Variants in MDGA2 observed in about 807,000 individuals in gnomAD.
MDGA2 encodes MAM domain-containing glycosylphosphatidylinositol anchor protein 2.
Under a neutral mutation model 117.8 loss-of-function variants are expected in MDGA2, and 40 were observed. The observed-to-expected ratio is 0.34, with a 90% confidence interval of 0.26 to 0.44. The LOEUF (loss-of-function observed/expected upper bound fraction) is 0.44. Ranked by LOEUF, MDGA2 falls within the 20% of genes least tolerant of loss-of-function variation. MDGA2 has a pLI of 1.00. For synonymous variants in MDGA2, 452 were observed against 439.0 expected (o/e 1.03, Z -0.37); for missense variants, 1,123 against 1,250.6 (o/e 0.90, Z 1.54).
intron 8 of MDGA2, among the ~76,000 whole-genome samples, chr14:46,999,905 G>A (rs1594512255): frequency 6.6e-6 from 1 of 152,070 alleles, no homozygotes; most frequent in East Asian, 1.9e-4. Flanking sequence ...CTAAGGGGTT[G>A]GCTTTCACAA....
chr14:47,362,876 C>T (rs1188498449), intron 1 of MDGA2, among the ~76,000 whole-genome samples: 2 of 152,180 alleles, frequency 1.3e-5, no homozygotes, highest in African/African-American at 4.8e-5. Flanking sequence ...TGAACACTGT[C>T]AGTAAAATCT....
chr14:46,986,453 G>C (rs1256400065), intron 8 of MDGA2, among the ~76,000 whole-genome samples: 1 of 151,996 alleles, frequency 6.6e-6, no homozygotes, highest in Non-Finnish European at 1.5e-5. Context: ...ATTGAAGGCT[G>C]ACAACCTGGG....
At chr14:47,509,463 C>A (rs1462020193) in intron 1 of MDGA2, among the ~76,000 whole-genome samples, 1 of 152,094 alleles carries the variant, frequency 6.6e-6, no homozygotes. Context: ...AGGAGCTGTG[C>A]CCAGCAGAGC....
At chr14:47,613,855 A>G (rs1260554552) in intron 1 of MDGA2, among the ~76,000 whole-genome samples, 1 of 152,062 alleles carries the variant, frequency 6.6e-6, no homozygotes, top group African/African-American at 2.4e-5. Context: ...ACTATTTTAA[A>G]TTTCTTTCAT....
intron 5 of MDGA2, among the ~76,000 whole-genome samples, chr14:47,101,394 G>A (rs955301836): frequency 9.2e-5 from 14 of 152,112 alleles, no homozygotes; most frequent in Non-Finnish European, 1.8e-4. Flanking sequence ...TTCTTGGACT[G>A]AGCAACAGAC....
intron 3 of MDGA2, among the ~76,000 whole-genome samples, chr14:47,165,097 G>C (rs1883811523): frequency 6.6e-6 from 1 of 151,998 alleles, no homozygotes; most frequent in Admixed American, 6.5e-5. Flanking sequence ...ACCGGGGCCT[G>C]TTGTGGGGTG....
At chr14:46,957,725 GC>G in intron 8 of MDGA2, 82 bp from the exon 9 acceptor site, 1 of 1,467,048 alleles carries the variant, frequency 6.8e-7, no homozygotes. Flanking sequence ...GAAGCCATTT[GC>G]AGTAACACAT....
rs184224884 is a variant in MDGA2, at chr14:47,624,444, C to T, written c.280+50073G>A. Among the ~76,000 whole-genome samples, 43 of 152,144 alleles carry T rather than the reference C, an allele frequency of 2.8e-4. No individual in the cohort carries two copies. The East Asian group carries it at 7.5e-3, about 27-fold the overall frequency. On this transcript the variant is annotated intron_variant, in intron 1 of 16. Transcript: ENST00000399232. ...CCGCACTCCAGCCTGGGCAAGAGAA[C>T]GAGACTCCATCTCAAATAAGTAAAC...
At chr14:47,590,771 C>G (rs1213500050) in intron 1 of MDGA2, among the ~76,000 whole-genome samples, 1 of 151,856 alleles carries the variant, frequency 6.6e-6, no homozygotes, top group East Asian at 1.9e-4. Context: ...CATAAATATA[C>G]AAGCCTACTA....
intron 1 of MDGA2, among the ~76,000 whole-genome samples, chr14:47,307,045 C>T (rs921031283): frequency 2.0e-5 from 3 of 152,136 alleles, no homozygotes; most frequent in South Asian, 2.1e-4. Context: ...AGTGATCATA[C>T]GCTTTCATAA....
intron 10 of MDGA2, among the ~76,000 whole-genome samples, chr14:46,905,530 G>T (rs1883456207): frequency 6.6e-6 from 1 of 152,086 alleles, no homozygotes; most frequent in African/African-American, 2.4e-5. Flanking sequence ...ATATTGAAAT[G>T]CATGCAAATG....
chr14:47,463,339 T>A (rs572197709), intron 1 of MDGA2, among the ~76,000 whole-genome samples: 27 of 152,188 alleles, frequency 1.8e-4, no homozygotes, highest in Non-Finnish European at 3.2e-4. Context: ...GTGGACTATA[T>A]GTCTTAGCCC....
intron 15 of MDGA2, among the ~76,000 whole-genome samples, chr14:46,846,469 C>A (rs1050652084): frequency 9.9e-4 from 150 of 152,084 alleles, no homozygotes; most frequent in African/African-American, 3.4e-3. Context: ...AGATATGTAT[C>A]AGTCTATTTA....
chr14:47,236,290 C>CAAAAAA (rs5808383), intron 2 of MDGA2, among the ~76,000 whole-genome samples: 43 of 67,246 alleles, frequency 6.4e-4, no homozygotes, highest in African/African-American at 1.5e-3. Flanking sequence ...GACTCCGCCT[C>CAAAAAA]AAAAAAAAAA....
At chr14:46,967,824 G>A (rs1474777319) in intron 8 of MDGA2, among the ~76,000 whole-genome samples, 3 of 151,818 alleles carry the variant, frequency 2.0e-5, no homozygotes, top group African/African-American at 7.3e-5. Flanking sequence ...AGTAAGAGAT[G>A]GACAGCAATA....
chr14:47,088,465 T>A (rs1335958724), intron 6 of MDGA2, among the ~76,000 whole-genome samples: 1 of 152,200 alleles, frequency 6.6e-6, no homozygotes, highest in Non-Finnish European at 1.5e-5. Flanking sequence ...ATCATCATTA[T>A]AGTTTTAATA....
chr14:47,154,304 T>G (rs1883279747), intron 3 of MDGA2, among the ~76,000 whole-genome samples: 1 of 152,228 alleles, frequency 6.6e-6, no homozygotes. Flanking sequence ...GTGGCCCCAT[T>G]TGGAGTGGCT....
chr14:47,077,764 C>T (rs1384781325), intron 6 of MDGA2, among the ~76,000 whole-genome samples: 1 of 151,460 alleles, frequency 6.6e-6, no homozygotes, highest in Non-Finnish European at 1.5e-5. Flanking sequence ...TCATATATTA[C>T]ACAGTAAACA....
intron 1 of MDGA2, among the ~76,000 whole-genome samples, chr14:47,550,804 G>C (rs1895566608): frequency 6.6e-6 from 1 of 152,172 alleles, no homozygotes; most frequent in African/African-American, 2.4e-5. Flanking sequence ...TCTGTTACCA[G>C]TTATAATCAG....
Sources: gnomAD v4.1 joint callset for allele counts (sites outside exome capture counted in the v4.1 genomes callset) on GRCh38, gnomAD v4.1.1 for gene constraint, MANE v1.5 for transcripts, NCBI Gene and HGNC (gene_info 2026-07-23, HGNC 2026-07-21) for gene names.